Variants in SDK1 observed in about 807,000 individuals in gnomAD.
SDK1 encodes the protein protein sidekick-1.
In SDK1, 157 loss-of-function variants were observed where a neutral mutation model predicts 245.5. The observed-to-expected ratio is 0.64, with a 90% CI of 0.56 to 0.73. The LOEUF (loss-of-function observed/expected upper bound fraction) is 0.73. Ranked by LOEUF, SDK1 falls within the 30% of genes least tolerant of loss-of-function variation. SDK1 has a pLI of 0.00. For synonymous variants in SDK1, 1,647 were observed against 1,278.5 expected, an observed-to-expected ratio of 1.29 and a Z score of -6.15; for missense variants, 3,583 against 3,002.3, an observed-to-expected ratio of 1.19 and a Z score of -4.52.
rs187361870 is a variant in SDK1 at position 3,745,037 on chromosome 7, T to C, written c.714-76413T>C. On this transcript the variant is annotated intron_variant, in intron 4 of 44. Transcript: ENST00000404826. ...TAAACCGGCCTCCATGTGATGATCA[T>C]CTGTTAGCTTTAGTATTGTCTCAAA... Among the ~76,000 whole-genome samples, 769 of 152,254 alleles carry C rather than the reference T, an allele frequency of 5.1e-3. 9 individuals are homozygous for C. The highest frequency in any genetic ancestry group is 0.017 in the African/African-American group (719 of 41,524).
chr7:4,236,853 C>T (rs543955891), intron 41 of SDK1, among the ~76,000 whole-genome samples: 3 of 152,192 alleles, frequency 2.0e-5, no homozygotes, highest in Non-Finnish European at 2.9e-5. Flanking sequence ...GAGAGAAGGA[C>T]GTCTAGGCGC....
intron 1 of SDK1, among the ~76,000 whole-genome samples, chr7:3,532,869 G>T (rs1783395639): frequency 6.6e-6 from 1 of 151,780 alleles, no homozygotes; most frequent in African/African-American, 2.4e-5. Flanking sequence ...TTCGTCTTTA[G>T]CCCTCTTTCC....
chr7:3,814,055 T>C (rs1779449928), intron 4 of SDK1, among the ~76,000 whole-genome samples: 2 of 126,678 alleles, frequency 1.6e-5, no homozygotes, highest in Admixed American at 8.4e-5. Flanking sequence ...TCTCCCATGT[T>C]GTAGGTTGCC....
intron 1 of SDK1, among the ~76,000 whole-genome samples, chr7:3,395,890 C>T (rs1581417): frequency 0.11 from 17,142 of 151,506 alleles, 1,115 homozygotes; most frequent in African/African-American, 0.17. Context: ...AAGGGTTTGC[C>T]AATTTTGTTT....
intron 13 of SDK1, among the ~76,000 whole-genome samples, chr7:3,978,967 A>G (rs1488959772): frequency 6.6e-6 from 1 of 152,192 alleles, no homozygotes; most frequent in African/African-American, 2.4e-5. Context: ...GTTTGCCCCG[A>G]GTTTTACACT....
At chr7:3,935,775 C>T (rs766607440) in intron 5 of SDK1, among the ~76,000 whole-genome samples, 15 of 152,348 alleles carry the variant, frequency 9.8e-5, no homozygotes, top group East Asian at 3.9e-4. Context: ...GAAACTGGAA[C>T]GCTTAGGTAC....
chr7:3,934,761 C>T (rs1253529529), intron 5 of SDK1, among the ~76,000 whole-genome samples: 8 of 152,158 alleles, frequency 5.3e-5, no homozygotes, highest in Non-Finnish European at 4.4e-5. Context: ...AGAAGTAGAG[C>T]CTGTGAGCTC....
chr7:3,906,226 TTTCATCGTG>T (rs1778917377), intron 5 of SDK1, among the ~76,000 whole-genome samples: 1 of 152,210 alleles, frequency 6.6e-6, no homozygotes, highest in Admixed American at 6.5e-5. Context: ...AAATCCACCT[TTTCATCGTG>T]TTCTATTATT....
intron 1 of SDK1, among the ~76,000 whole-genome samples, chr7:3,459,948 T>G (rs1358526798): frequency 6.6e-6 from 1 of 152,248 alleles, no homozygotes; most frequent in South Asian, 2.1e-4. Context: ...GAAACTTGCC[T>G]GCCTCTTGGA....
chr7:3,630,157 A>G (rs915722876), intron 2 of SDK1, among the ~76,000 whole-genome samples: 11 of 152,356 alleles, frequency 7.2e-5, no homozygotes, highest in Middle Eastern at 3.4e-3. Flanking sequence ...ATGGCCTAAT[A>G]GATGTGTAGT....
chr7:3,561,074 C>T (rs1251556352), intron 1 of SDK1, among the ~76,000 whole-genome samples: 1 of 152,142 alleles, frequency 6.6e-6, no homozygotes, highest in African/African-American at 2.4e-5. Flanking sequence ...CTTTCCTTCC[C>T]TTCCCCCTTC....
intron 14 of SDK1, among the ~76,000 whole-genome samples, chr7:3,999,737 AC>A (rs2128143826): frequency 6.6e-6 from 1 of 152,346 alleles, no homozygotes; most frequent in Non-Finnish European, 1.5e-5. Flanking sequence ...CCATTTTCTA[AC>A]TAATAATGTA....
At chr7:3,377,807 C>G (rs902885233) in intron 1 of SDK1, among the ~76,000 whole-genome samples, 1 of 152,110 alleles carries the variant, frequency 6.6e-6, no homozygotes, top group Non-Finnish European at 1.5e-5. Flanking sequence ...GAGACAGAGT[C>G]TCACTCTGTT....
intron 4 of SDK1, among the ~76,000 whole-genome samples, chr7:3,689,427 G>C (rs1186557073): frequency 6.6e-6 from 1 of 152,188 alleles, no homozygotes; most frequent in Non-Finnish European, 1.5e-5. Flanking sequence ...AGCTAAGCAG[G>C]GTGGAACAGA....
Position 3,350,548 on chromosome 7 carries a change from C to A in SDK1, c.298+48664C>A, listed in dbSNP as rs181344758. ...ATAATACTGATAGTATGTCATTTTG[C>A]TTTTTATAATTGATTGTCTTTAACT... On this transcript the variant is annotated intron_variant, in intron 1 of 44. Transcript: ENST00000404826. 5.9e-5 allele frequency among the ~76,000 whole-genome samples: 9 copies of A among 152,220 alleles called. No homozygotes were observed. In the East Asian group the frequency reaches 1.7e-3, roughly 29 times the overall value.
intron 22 of SDK1, among the ~76,000 whole-genome samples, chr7:4,101,614 C>A (rs1232723817): frequency 1.3e-5 from 2 of 152,162 alleles, no homozygotes; most frequent in East Asian, 1.9e-4. Context: ...GGAGCACTGA[C>A]CCTCGATGAC....
chr7:3,693,729 C>T (rs553702350), intron 4 of SDK1, among the ~76,000 whole-genome samples: 1 of 152,126 alleles, frequency 6.6e-6, no homozygotes, highest in Non-Finnish European at 1.5e-5. Flanking sequence ...AGTTTCACAT[C>T]CCTGGAGTAT....
chr7:4,076,864 G>A, intron 20 of SDK1, 134 bp from the exon 21 acceptor site: 1 of 698,394 alleles, frequency 1.4e-6, no homozygotes, highest in Non-Finnish European at 2.4e-6. Flanking sequence ...CAGTAGCACA[G>A]TGGCTCTAAG....
At chr7:3,740,792 T>G (rs187592379) in intron 4 of SDK1, among the ~76,000 whole-genome samples, 61 of 152,354 alleles carry the variant, frequency 4.0e-4, no homozygotes, top group African/African-American at 1.4e-3. Flanking sequence ...GATTAATTTT[T>G]AGAGTTCCAA....
Sources: gnomAD v4.1 joint callset for allele counts (sites outside exome capture counted in the v4.1 genomes callset) on GRCh38, gnomAD v4.1.1 for gene constraint, MANE v1.5 for transcripts, NCBI Gene and HGNC (gene_info 2026-07-23, HGNC 2026-07-21) for gene names.